Variants in TMC2 observed in about 807,000 individuals in gnomAD.
TMC2 encodes the protein transmembrane channel-like protein 2.
TMC2 carries 102 observed loss-of-function variants against 105.9 expected under a neutral mutation model. The ratio of observed to expected loss-of-function variants is 0.96; its 90% CI spans 0.82 to 1.14. TMC2 has a LOEUF of 1.14. TMC2 is among the 50% of genes most tolerant of loss of function. The pLI, the probability that TMC2 is intolerant of heterozygous loss-of-function variation, is 0.00. For missense variants in TMC2, 1,093 were observed against 1,134.3 expected (o/e 0.96, Z 0.52); for synonymous variants, 402 against 422.8 (o/e 0.95, Z 0.60).
At position 2,558,359 on chromosome 20, in the gene TMC2, C is replaced by A. The variant is rs1476782940; in HGVS notation, c.83-97C>A. The A allele has an allele frequency of 2.0e-6, 3 of 1,517,102 alleles. No homozygotes were observed. The highest frequency in any genetic ancestry group is 4.9e-5 in the East Asian group (2 of 40,670). The allele number at this position is 1,517,102 out of a possible 1,614,324, so 94.0% of individuals were successfully genotyped here. Reference sequence around the variant, plus strand: ...GAGCCCCGCAGAGCTCACAAGCTCTCGGAATCATCTTGGACGTCTGATTTC... The same window carrying A: ...GAGCCCCGCAGAGCTCACAAGCTCTAGGAATCATCTTGGACGTCTGATTTC... On this transcript the variant is annotated intron_variant, in intron 2 of 19. Transcript: ENST00000358864. The surrounding 1 kb of genome is among the most constrained non-coding windows in gnomAD (Gnocchi z 4.6).
intron 10 of TMC2, among the ~76,000 whole-genome samples, chr20:2,600,780 T>A (rs1484782927): frequency 6.6e-6 from 1 of 150,928 alleles, no homozygotes; most frequent in East Asian, 2.0e-4. Flanking sequence ...GCCGAGATTG[T>A]GCCACTGCAC....
intron 2 of TMC2, among the ~76,000 whole-genome samples, chr20:2,543,117 A>G (rs766360004): frequency 1.2e-4 from 18 of 152,000 alleles, no homozygotes; most frequent in Middle Eastern, 6.8e-3. Context: ...TACACCTGTA[A>G]TCCCAGCTAC....
intron 7 of TMC2, among the ~76,000 whole-genome samples, chr20:2,590,656 C>T (rs6076324): frequency 1.3e-5 from 2 of 151,894 alleles, no homozygotes; most frequent in African/African-American, 4.8e-5. Flanking sequence ...TTTCTGCCAC[C>T]TAATGCAATG....
At chr20:2,615,293 C>G (rs745854585) in intron 14 of TMC2, among the ~76,000 whole-genome samples, 4 of 152,246 alleles carry the variant, frequency 2.6e-5, no homozygotes, top group Non-Finnish European at 5.9e-5. Flanking sequence ...TGCACTCCAG[C>G]CTGGGCAACA....
Position 2,602,320 on chromosome 20 carries a change from A to T in TMC2, c.1413+19A>T. ...GAATGAGGTAAGAAAAACATCGCTG[A>T]TGAACTGAAGGTTGATGGCAAATAC... is the stretch of plus-strand genomic sequence containing the variant. On this transcript the variant is annotated intron_variant, in intron 11 of 19. Transcript: ENST00000358864. 6.4e-7 allele frequency: 1 copy of T among 1,551,216 alleles called. No homozygotes were observed. Among genetic ancestry groups the T allele is most frequent in the Non-Finnish European group, 8.7e-7 (1 of 1,147,028 alleles).
chr20:2,559,316 T>A (rs1228015933), intron 3 of TMC2, among the ~76,000 whole-genome samples: 1 of 152,214 alleles, frequency 6.6e-6, no homozygotes, highest in Non-Finnish European at 1.5e-5. Flanking sequence ...ATTCTGGAGC[T>A]TGGAGGTTTT....
chr20:2,558,230 G>A lies in TMC2; in HGVS notation c.83-226G>A. 1 of 1,062,848 alleles carries A rather than the reference G, an allele frequency of 9.4e-7. No individual in the cohort carries two copies. The highest frequency in any genetic ancestry group is 1.3e-6 in the Non-Finnish European group (1 of 767,352). The allele number at this position is 1,062,848 out of a possible 1,614,324, so 65.8% of individuals were successfully genotyped here. A position where few individuals can be genotyped will look rare whatever the true frequency, so the allele number is the denominator to read the frequency against. On this transcript the variant is annotated intron_variant, in intron 2 of 19. Transcript: ENST00000358864. The surrounding 1 kb of genome is among the most constrained non-coding windows in gnomAD (Gnocchi z 4.6). ...GGAGGTCTTCAAGGGAGACGGGAGG[G>A]AGAAGGCCAGAGAGTGACCTTCCTG...
chr20:2,614,859 T>C (rs186802962), intron 14 of TMC2, among the ~76,000 whole-genome samples: 88 of 152,080 alleles, frequency 5.8e-4, no homozygotes, highest in African/African-American at 2.1e-3. Flanking sequence ...ATTCATTTCA[T>C]CTAGATTAAT....
chr20:2,563,039 G>A lies in TMC2; in HGVS notation c.554+1029G>A, dbSNP rs554848325. 6.6e-5 allele frequency among the ~76,000 whole-genome samples: 10 copies of A among 152,206 alleles called. 1 individual carries two copies. The South Asian group carries it at 1.9e-3, about 28-fold the overall frequency. On this transcript the variant is annotated intron_variant, in intron 4 of 19. Transcript: ENST00000358864. ...TAAAAAGTTCCTATCCAACATGACC[G>A]TTTTCCCCAAGGTCCCTCTGTTTTT...
At chr20:2,559,342 T>C (rs547281998) in intron 3 of TMC2, among the ~76,000 whole-genome samples, 18 of 152,322 alleles carry the variant, frequency 1.2e-4, no homozygotes, top group African/African-American at 3.8e-4. Flanking sequence ...TTTTGCCTCC[T>C]TTGTTCCATT....
chr20:2,545,100 A>C (rs1215180253), intron 2 of TMC2, among the ~76,000 whole-genome samples: 1 of 152,028 alleles, frequency 6.6e-6, no homozygotes, highest in Admixed American at 6.6e-5. Context: ...CTAACTACAC[A>C]TGAGGCTGAT....
chr20:2,591,039 A>G (rs537099357), intron 7 of TMC2, among the ~76,000 whole-genome samples: 29 of 152,240 alleles, frequency 1.9e-4, no homozygotes, highest in Admixed American at 1.0e-3. Context: ...ATCTCATTAA[A>G]AAGTCAATCC....
intron 5 of TMC2, among the ~76,000 whole-genome samples, chr20:2,576,464 A>G (rs1409437047): frequency 6.6e-6 from 1 of 152,146 alleles, no homozygotes; most frequent in Non-Finnish European, 1.5e-5. Context: ...CAAGGAACCG[A>G]CCGGCAGGCT....
chr20:2,636,545 T>C (rs2086646498), intron 18 of TMC2, among the ~76,000 whole-genome samples: 1 of 151,316 alleles, frequency 6.6e-6, no homozygotes, highest in African/African-American at 2.4e-5. Flanking sequence ...TGTTCTTGCT[T>C]TCTCTGTCCC....
intron 2 of TMC2, among the ~76,000 whole-genome samples, chr20:2,555,809 C>T (rs1011747200): frequency 2.6e-5 from 4 of 152,174 alleles, no homozygotes. Flanking sequence ...ATTAATTTTG[C>T]TTCCTTTTTA....
chr20:2,606,484 T>G (rs2086392704), intron 11 of TMC2, among the ~76,000 whole-genome samples: 1 of 152,164 alleles, frequency 6.6e-6, no homozygotes, highest in African/African-American at 2.4e-5. Flanking sequence ...GGTCTCAAAC[T>G]CCTGACCTCA....
chr20:2,548,436 C>G (rs1332963902), intron 2 of TMC2, among the ~76,000 whole-genome samples: 1 of 151,858 alleles, frequency 6.6e-6, no homozygotes, highest in Admixed American at 6.6e-5. Context: ...ATCGGGGGTT[C>G]GAGACGAGGC....
chr20:2,614,080 TTTAAACAAGTC>T (rs2086463147), intron 14 of TMC2: 1 of 152,110 alleles, frequency 6.6e-6, no homozygotes, highest in African/African-American at 2.4e-5. Context: ...CAGTCTCAGT[TTTAAACAAGTC>T]TGCTGAGCTC....
At chr20:2,595,331 G>C (rs548202287) in intron 9 of TMC2, among the ~76,000 whole-genome samples, 6 of 152,224 alleles carry the variant, frequency 3.9e-5, no homozygotes, top group Non-Finnish European at 8.8e-5. Flanking sequence ...ATAGTACCTA[G>C]TAAGGTAGGC....
Sources: gnomAD v4.1 joint callset for allele counts (sites outside exome capture counted in the v4.1 genomes callset) on GRCh38, gnomAD v4.1.1 for gene constraint, Gnocchi (gnomAD v3.1) non-coding constraint, MANE v1.5 for transcripts, NCBI Gene and HGNC (gene_info 2026-07-23, HGNC 2026-07-21) for gene names.